ZNF892: variants seen among roughly 807,000 people sequenced by gnomAD.
ZNF892 encodes the protein zinc finger protein 570-like.
chr2:95,247,038 C>A, the ZNF892 span, among the ~76,000 whole-genome samples: 2 of 152,082 alleles, frequency 1.3e-5, no homozygotes, highest in Non-Finnish European at 2.9e-5. Context: ...AAAACAGAGC[C>A]CAAATAGCCA....
At chr2:95,209,654 C>T in the ZNF892 span, among the ~76,000 whole-genome samples, 1 of 152,234 alleles carries the variant, frequency 6.6e-6, no homozygotes, top group South Asian at 2.1e-4. Context: ...TGATTTTGAT[C>T]TGTGAATTGG....
At chr2:95,210,871 C>T in the ZNF892 span, among the ~76,000 whole-genome samples, 1 of 152,100 alleles carries the variant, frequency 6.6e-6, no homozygotes, top group Non-Finnish European at 1.5e-5. Flanking sequence ...TGAAGTAACA[C>T]CTGAGCTGAG....
the ZNF892 span, among the ~76,000 whole-genome samples, chr2:95,223,035 CAATT>C: frequency 6.6e-6 from 1 of 152,218 alleles, no homozygotes; most frequent in Non-Finnish European, 1.5e-5. Context: ...CTTTTGTCAA[CAATT>C]GATTGATCAT....
At chr2:95,243,708 G>C in the ZNF892 span, among the ~76,000 whole-genome samples, 1 of 151,820 alleles carries the variant, frequency 6.6e-6, no homozygotes, top group African/African-American at 2.4e-5. Flanking sequence ...CACCCTGTCC[G>C]GGAGGGAGGT....
At chr2:95,254,752 T>C in the ZNF892 span, among the ~76,000 whole-genome samples, 2 of 152,218 alleles carry the variant, frequency 1.3e-5, no homozygotes, top group African/African-American at 4.8e-5. Context: ...ATTGCCTCAA[T>C]TTCAGAGCCT....
the ZNF892 span, chr2:95,214,429 C>T: frequency 2.5e-6 from 1 of 398,292 alleles, no homozygotes; most frequent in African/African-American, 2.1e-5. Context: ...GTAAGATTTT[C>T]AAAGGAAAGT....
At chr2:95,212,009 TTAAA>T in the ZNF892 span, among the ~76,000 whole-genome samples, 5 of 152,116 alleles carry the variant, frequency 3.3e-5, no homozygotes, top group Non-Finnish European at 7.4e-5. Flanking sequence ...TGCTTATTCT[TTAAA>T]TAGGGGGAGG....
the ZNF892 span, among the ~76,000 whole-genome samples, chr2:95,254,974 T>C: frequency 6.6e-6 from 1 of 152,222 alleles, no homozygotes; most frequent in East Asian, 1.9e-4. Context: ...TTCTCTTTCT[T>C]CTTTATTAGT....
chr2:95,215,679 A>C, the ZNF892 span: 1 of 397,842 alleles, frequency 2.5e-6, no homozygotes. Context: ...TCTACAAAGA[A>C]ATTTAAGACT....
the ZNF892 span, among the ~76,000 whole-genome samples, chr2:95,220,066 T>A: frequency 3.9e-5 from 6 of 152,002 alleles, no homozygotes; most frequent in Admixed American, 3.3e-4. Context: ...TGGCTCTGGG[T>A]AGGGGGGACG....
chr2:95,240,519 T>C, the ZNF892 span, among the ~76,000 whole-genome samples: 1 of 151,672 alleles, frequency 6.6e-6, no homozygotes, highest in Non-Finnish European at 1.5e-5. Flanking sequence ...CTGTGTGGAG[T>C]CTCAGCAAAG....
At chr2:95,223,893 C>T in the ZNF892 span, among the ~76,000 whole-genome samples, 1 of 152,160 alleles carries the variant, frequency 6.6e-6, no homozygotes, top group African/African-American at 2.4e-5. Flanking sequence ...AGTTGCAATC[C>T]TAACCCCTAA....
the ZNF892 span, among the ~76,000 whole-genome samples, chr2:95,247,283 G>T: frequency 3.3e-5 from 5 of 152,284 alleles, no homozygotes; most frequent in African/African-American, 1.2e-4. Context: ...AATAAACAGT[G>T]CTGGAATAGC....
chr2:95,243,731 A>AAC, the ZNF892 span, among the ~76,000 whole-genome samples: 1 of 142,136 alleles, frequency 7.0e-6, no homozygotes, highest in African/African-American at 2.7e-5. Context: ...GGGGGTCAGC[A>AAC]CCCCGCCCGG....
the ZNF892 span, among the ~76,000 whole-genome samples, chr2:95,260,509 G>A: frequency 6.6e-6 from 1 of 152,108 alleles, no homozygotes; most frequent in South Asian, 2.1e-4. Context: ...TGGGGGCACT[G>A]CCTCCCTCAC....
chr2:95,225,006 C>T, the ZNF892 span, among the ~76,000 whole-genome samples: 1 of 152,134 alleles, frequency 6.6e-6, no homozygotes, highest in Non-Finnish European at 1.5e-5. Context: ...ACTTCCTAGG[C>T]TCCAGAACGG....
the ZNF892 span, among the ~76,000 whole-genome samples, chr2:95,228,003 C>T: frequency 6.6e-6 from 1 of 152,304 alleles, no homozygotes; most frequent in Non-Finnish European, 1.5e-5. Flanking sequence ...AATTTATCCA[C>T]AGTTATCCCC....
chr2:95,209,384 G>A, the ZNF892 span, among the ~76,000 whole-genome samples: 1 of 152,144 alleles, frequency 6.6e-6, no homozygotes, highest in Non-Finnish European at 1.5e-5. Context: ...CCAGACCCCA[G>A]GACAGTCTAC....
the ZNF892 span, among the ~76,000 whole-genome samples, chr2:95,243,943 G>T: frequency 6.6e-5 from 10 of 152,172 alleles, no homozygotes; most frequent in African/African-American, 2.4e-4. Flanking sequence ...GATGGTTGCC[G>T]TGTCTCTGTA....
Sources: gnomAD v4.1 joint callset for allele counts (sites outside exome capture counted in the v4.1 genomes callset) on GRCh38, gnomAD v4.1.1 for gene constraint, MANE v1.5 for transcripts, NCBI Gene and HGNC (gene_info 2026-07-23, HGNC 2026-07-21) for gene names.